Variants in FOXP1 observed in about 807,000 individuals in gnomAD.
FOXP1 encodes the protein forkhead box P1.
FOXP1 carries 15 observed loss-of-function variants against 98.2 expected under a neutral mutation model. The ratio of observed to expected loss-of-function variants is 0.15; its 90% CI spans 0.10 to 0.24. The LOEUF is 0.24. FOXP1 is among the 10% of genes least tolerant of loss of function. The pLI is 1.00. For missense variants in FOXP1, 633 were observed against 848.5 expected (o/e 0.75, Z 3.15); for synonymous variants, 371 against 314.5 (o/e 1.18, Z -1.90).
intron 7 of FOXP1, among the ~76,000 whole-genome samples, chr3:71,110,120 G>A (rs1204103370): frequency 2.6e-5 from 4 of 152,032 alleles, no homozygotes; most frequent in Admixed American, 1.3e-4. Flanking sequence ...TCTGCATGGT[G>A]GCTAAAAACC....
At chr3:71,386,636 G>A (rs559042261) in intron 3 of FOXP1, among the ~76,000 whole-genome samples, 33 of 151,566 alleles carry the variant, frequency 2.2e-4, no homozygotes, top group African/African-American at 7.8e-4. Flanking sequence ...CCAGCTACTC[G>A]GGAGGCTGAG....
At chr3:71,444,189 C>T (rs2108468845) in intron 3 of FOXP1, among the ~76,000 whole-genome samples, 1 of 152,322 alleles carries the variant, frequency 6.6e-6, no homozygotes, top group African/African-American at 2.4e-5. Context: ...GCCTACTTCC[C>T]TATTTTCAAT....
chr3:71,328,040 G>A (rs868374206), intron 4 of FOXP1, among the ~76,000 whole-genome samples: 11 of 152,160 alleles, frequency 7.2e-5, no homozygotes, highest in African/African-American at 2.2e-4. Context: ...GCAGTAGAGA[G>A]ATCTGAAATT....
At chr3:71,293,553 T>A (rs1168368112) in intron 5 of FOXP1, among the ~76,000 whole-genome samples, 1 of 152,168 alleles carries the variant, frequency 6.6e-6, no homozygotes, top group Non-Finnish European at 1.5e-5. Context: ...GTGCAAAATA[T>A]GGTTATTTGA....
chr3:71,210,462 G>C (rs922025489), intron 5 of FOXP1, among the ~76,000 whole-genome samples: 1 of 152,120 alleles, frequency 6.6e-6, no homozygotes, highest in African/African-American at 2.4e-5. Context: ...CTGGTAGGAG[G>C]CCATTTTTCA....
chr3:71,347,214 G>A (rs1040700580), intron 4 of FOXP1, among the ~76,000 whole-genome samples: 5 of 152,106 alleles, frequency 3.3e-5, no homozygotes, highest in African/African-American at 9.7e-5. Flanking sequence ...GGGGTGGTAG[G>A]GAAGCTAGTA....
At chr3:71,230,366 T>C (rs1163093188) in intron 5 of FOXP1, among the ~76,000 whole-genome samples, 1 of 152,162 alleles carries the variant, frequency 6.6e-6, no homozygotes, top group African/African-American at 2.4e-5. Flanking sequence ...TCTACTTACA[T>C]AGCAGAATGC....
At chr3:71,496,487 G>GT in intron 2 of FOXP1, among the ~76,000 whole-genome samples, 1 of 152,184 alleles carries the variant, frequency 6.6e-6, no homozygotes, top group East Asian at 1.9e-4. Flanking sequence ...TCGGACTGGA[G>GT]TGAGTAGCAG....
chr3:71,485,056 C>G (rs1428601541), intron 3 of FOXP1, among the ~76,000 whole-genome samples: 1 of 152,126 alleles, frequency 6.6e-6, no homozygotes, highest in Non-Finnish European at 1.5e-5. Flanking sequence ...CAGTAAATTA[C>G]TCCTGGACAA....
In FOXP1 at chr3:71,281,059, A is replaced by AAAG. The variant is rs1553816204; in HGVS notation, c.-12+18758_-12+18760dup. Among the ~76,000 whole-genome samples the AAAG allele has an allele frequency of 4.7e-3, 691 of 148,342 alleles. 8 individuals are homozygous for AAAG. Among genetic ancestry groups the AAAG allele is most frequent in the African/African-American group, 0.017 (655 of 39,614 alleles). On this transcript the variant is annotated intron_variant, in intron 5 of 20. Coordinates refer to ENST00000649528, the MANE Select transcript of FOXP1 (RefSeq NM_001349338.3). ...CTCTACAAAAAAAAAAAAAAAAAAA[A>AAAG]AAGAAGAAGAAGAAGAAAAAGTAGC... is the stretch of plus-strand genomic sequence containing the variant.
chr3:71,535,871 C>T lies in FOXP1; in HGVS notation c.-297-42316G>A, dbSNP rs1055012097. On this transcript the variant is annotated intron_variant, in intron 2 of 20. Coordinates refer to ENST00000649528, the MANE Select transcript of FOXP1 (RefSeq NM_001349338.3). ...CAAGATCCTTCTAATACACACAACG[C>T]CTCCCCGTGCCCTCCACCCTGGCTT... Among the ~76,000 whole-genome samples the T allele has an allele frequency of 3.3e-5, 5 of 152,176 alleles. No individual in the cohort carries two copies. In the South Asian group the frequency reaches 6.2e-4, roughly 19 times the overall value.
chr3:71,501,804 C>A (rs944212950), intron 2 of FOXP1, among the ~76,000 whole-genome samples: 2 of 152,200 alleles, frequency 1.3e-5, no homozygotes, highest in African/African-American at 4.8e-5. Flanking sequence ...AACTCGGTGT[C>A]TTTTACATCA....
chr3:71,570,663 G>A (rs1398597954), intron 2 of FOXP1: 2 of 152,196 alleles, frequency 1.3e-5, no homozygotes, highest in Non-Finnish European at 2.9e-5. Flanking sequence ...GAAAAGAACA[G>A]AGTTTGGGCA....
At chr3:71,215,045 G>A (rs570056309) in intron 5 of FOXP1, among the ~76,000 whole-genome samples, 28 of 152,300 alleles carry the variant, frequency 1.8e-4, no homozygotes, top group African/African-American at 6.3e-4. Flanking sequence ...GCCCATCTCA[G>A]ACCTACTAAA....
intron 5 of FOXP1, among the ~76,000 whole-genome samples, chr3:71,241,581 C>G (rs946476639): frequency 6.6e-6 from 1 of 152,184 alleles, no homozygotes; most frequent in Non-Finnish European, 1.5e-5. Flanking sequence ...TCACATCAAA[C>G]AGTCATCAGG....
At chr3:71,494,698 G>T (rs1411179480) in intron 2 of FOXP1, among the ~76,000 whole-genome samples, 4 of 152,084 alleles carry the variant, frequency 2.6e-5, no homozygotes, top group Non-Finnish European at 4.4e-5. Flanking sequence ...AGATTCCTGG[G>T]ACCCATCCCC....
chr3:71,425,109 CGTTTTGTTTT>C lies in FOXP1; in HGVS notation c.-167-65875_-167-65866del, dbSNP rs533487297. On this transcript the variant is annotated intron_variant, in intron 3 of 20. Coordinates refer to ENST00000649528, the MANE Select transcript of FOXP1 (RefSeq NM_001349338.3). Reference sequence around the variant, plus strand: ...TTCATTTTCCTGTTTTTTTTTGTTTCGTTTTGTTTTGTTTTGTTTTGTATGAGACAGGGTC... The same window carrying C: ...TTCATTTTCCTGTTTTTTTTTGTTTCGTTTTGTTTTGTATGAGACAGGGTC... Among the ~76,000 whole-genome samples the C allele has an allele frequency of 1.1e-4, 16 of 149,426 alleles. No individual in the cohort carries two copies. The East Asian group carries it at 2.9e-3, about 27-fold the overall frequency.
chr3:71,029,482 C>T (rs1183381725), intron 11 of FOXP1, among the ~76,000 whole-genome samples: 1 of 150,848 alleles, frequency 6.6e-6, no homozygotes, highest in East Asian at 1.9e-4. Context: ...CCTCTACCTC[C>T]CGGGTTCAAG....
At chr3:71,052,328 T>G (rs2050008212) in intron 9 of FOXP1, among the ~76,000 whole-genome samples, 1 of 152,114 alleles carries the variant, frequency 6.6e-6, no homozygotes. Flanking sequence ...CAGGTACACG[T>G]GCAGTGGTGT....
Sources: gnomAD v4.1 joint callset for allele counts (sites outside exome capture counted in the v4.1 genomes callset) on GRCh38, gnomAD v4.1.1 for gene constraint, MANE v1.5 for transcripts, NCBI Gene and HGNC (gene_info 2026-07-23, HGNC 2026-07-21) for gene names.